Variants in TXNDC16 observed in about 807,000 individuals in gnomAD.
The protein encoded by TXNDC16 is thioredoxin domain containing 16.
TXNDC16 carries 74 observed loss-of-function variants against 85.6 expected under a neutral mutation model. The observed-to-expected ratio is 0.86, with a 90% CI of 0.72 to 1.05. The LOEUF (loss-of-function observed/expected upper bound fraction) is 1.05, where lower values mean the gene tolerates loss of function less well. Among genes scored for constraint, TXNDC16 ranks in the 50% least tolerant of loss-of-function variants. The probability of loss-of-function intolerance (pLI) is 0.00; values close to 1 mark genes in which losing one functional copy is unlikely to be tolerated. For synonymous variants in TXNDC16, 335 were observed against 326.5 expected, an observed-to-expected ratio of 1.03 and a Z score of -0.28; for missense variants, 959 against 947.0, an observed-to-expected ratio of 1.01 and a Z score of -0.17.
chr14:52,549,892 T>C (rs112031029), intron 1 of TXNDC16, among the ~76,000 whole-genome samples: 12,972 of 152,134 alleles, frequency 0.085, 607 homozygotes, highest in East Asian at 0.14. Flanking sequence ...CCACCTTGGC[T>C]TCCCAAAGTG....
At chr14:52,504,314 C>T (rs534145668) in intron 9 of TXNDC16, among the ~76,000 whole-genome samples, 2 of 152,238 alleles carry the variant, frequency 1.3e-5, no homozygotes, top group East Asian at 1.9e-4. Flanking sequence ...TAAGGGCAGC[C>T]AGAGAGAAAG....
intron 12 of TXNDC16, among the ~76,000 whole-genome samples, chr14:52,483,422 T>C (rs2036194670): frequency 6.6e-6 from 1 of 152,200 alleles, no homozygotes; most frequent in Non-Finnish European, 1.5e-5. Flanking sequence ...TGAGAGATTA[T>C]AACAGGGCTA....
At position 52,447,209 on chromosome 14, in the gene TXNDC16, C is replaced by T. The variant is rs181744274; in HGVS notation, c.1843-6485G>A. ...GAAGCATGAGTCCCAGGCCAGAAAG[C>T]ATTCACTACAAGCTGATGGAAGAGC... On this transcript the variant is annotated intron_variant, in intron 18 of 20. Coordinates refer to ENST00000281741, the MANE Select transcript of TXNDC16 (RefSeq NM_020784.3). Among the ~76,000 whole-genome samples, 94 of 152,026 alleles carry T rather than the reference C, an allele frequency of 6.2e-4. 1 individual carries two copies. Among genetic ancestry groups the T allele is most frequent in the African/African-American group, 2.2e-3 (93 of 41,456 alleles).
At chr14:52,527,946 T>A (rs1330162094) in intron 6 of TXNDC16, among the ~76,000 whole-genome samples, 1 of 152,116 alleles carries the variant, frequency 6.6e-6, no homozygotes, top group Non-Finnish European at 1.5e-5. Context: ...GATTGACAAG[T>A]CACTATATTT....
At chr14:52,519,121 A>G (rs187430598) in intron 7 of TXNDC16, 51 bp downstream of exon 7, 2 of 1,541,468 alleles carry the variant, frequency 1.3e-6, no homozygotes, top group Admixed American at 4.1e-5. Context: ...GTACTTCAAC[A>G]TACATAAGTA....
intron 16 of TXNDC16, among the ~76,000 whole-genome samples, chr14:52,464,266 G>A (rs2035720683): frequency 6.6e-6 from 1 of 152,148 alleles, no homozygotes; most frequent in African/African-American, 2.4e-5. Context: ...TATGACGATA[G>A]ACGGCAAAAA....
At chr14:52,529,047 C>A (rs1042703719) in intron 6 of TXNDC16, among the ~76,000 whole-genome samples, 1 of 147,616 alleles carries the variant, frequency 6.8e-6, no homozygotes, top group South Asian at 2.1e-4. Flanking sequence ...TATATAATAC[C>A]TATTATATAG....
At chr14:52,459,799 G>A (rs1486737502) in intron 16 of TXNDC16, among the ~76,000 whole-genome samples, 1 of 152,084 alleles carries the variant, frequency 6.6e-6, no homozygotes, top group Non-Finnish European at 1.5e-5. Flanking sequence ...CTCATAAACA[G>A]AACTAAAGAC....
intron 11 of TXNDC16, 134 bp downstream of exon 11, chr14:52,490,257 T>C (rs765766744): frequency 3.4e-5 from 18 of 534,440 alleles, no homozygotes; most frequent in Non-Finnish European, 4.7e-5. Context: ...ATCAAAACGT[T>C]AACAGCAATT....
intron 10 of TXNDC16, 38 bp downstream of exon 10, chr14:52,490,801 T>C: frequency 6.3e-7 from 1 of 1,581,354 alleles, no homozygotes; most frequent in South Asian, 1.2e-5. Flanking sequence ...ACTATTAGCG[T>C]TTTGCTAAAT....
intron 8 of TXNDC16, among the ~76,000 whole-genome samples, chr14:52,514,184 G>C (rs1250393410): frequency 6.6e-6 from 1 of 152,020 alleles, no homozygotes; most frequent in Admixed American, 6.6e-5. Context: ...TCTAAATGTA[G>C]AGCTGTAAAA....
chr14:52,505,636 T>G (rs2036779148), intron 9 of TXNDC16, among the ~76,000 whole-genome samples: 1 of 152,164 alleles, frequency 6.6e-6, no homozygotes, highest in Admixed American at 6.5e-5. Flanking sequence ...ATTGACACCC[T>G]AACATCACAA....
At chr14:52,468,801 CA>C in intron 16 of TXNDC16, among the ~76,000 whole-genome samples, 1 of 151,400 alleles carries the variant, frequency 6.6e-6, no homozygotes, top group Non-Finnish European at 1.5e-5. Flanking sequence ...CACTTAAGCC[CA>C]GGAGGTTGAG....
At chr14:52,457,927 A>T (rs775762298) in intron 16 of TXNDC16, among the ~76,000 whole-genome samples, 4 of 152,202 alleles carry the variant, frequency 2.6e-5, no homozygotes, top group Non-Finnish European at 5.9e-5. Context: ...ACAGAGGTGG[A>T]CTTATAGGTC....
chr14:52,503,388 A>C (rs897922215), intron 9 of TXNDC16, among the ~76,000 whole-genome samples: 3 of 152,168 alleles, frequency 2.0e-5, no homozygotes, highest in Non-Finnish European at 2.9e-5. Flanking sequence ...CCAGAGGAAC[A>C]ATCAGGCAGC....
At chr14:52,449,081 G>A (rs1415781127) in intron 18 of TXNDC16, among the ~76,000 whole-genome samples, 1 of 151,882 alleles carries the variant, frequency 6.6e-6, no homozygotes, top group Non-Finnish European at 1.5e-5. Context: ...GCAGGAGTAA[G>A]TCCTTACTTA....
intron 9 of TXNDC16, among the ~76,000 whole-genome samples, chr14:52,495,211 G>T (rs1303047872): frequency 1.3e-5 from 2 of 152,190 alleles, no homozygotes; most frequent in African/African-American, 4.8e-5. Context: ...ACTGGAGGCT[G>T]AAGATTCTAC....
chr14:52,547,527 G>C (rs563952321), intron 1 of TXNDC16, among the ~76,000 whole-genome samples: 1 of 152,226 alleles, frequency 6.6e-6, no homozygotes, highest in South Asian at 2.1e-4. Context: ...TGTTAGGAGT[G>C]TTGTTGTTGT....
chr14:52,473,452 C>T (rs1242503917), intron 14 of TXNDC16, among the ~76,000 whole-genome samples: 2 of 152,174 alleles, frequency 1.3e-5, no homozygotes, highest in Non-Finnish European at 2.9e-5. Context: ...AGCATGTCTA[C>T]TACTGCTAAA....
Sources: gnomAD v4.1 joint callset for allele counts (sites outside exome capture counted in the v4.1 genomes callset) on GRCh38, gnomAD v4.1.1 for gene constraint, MANE v1.5 for transcripts, NCBI Gene and HGNC (gene_info 2026-07-23, HGNC 2026-07-21) for gene names.